ARHGAP35: variants seen among roughly 807,000 people sequenced by gnomAD.
The protein encoded by ARHGAP35 is Rho GTPase activating protein 35, also known as rho GTPase-activating protein 35.
ARHGAP35 carries 15 observed loss-of-function variants against 111.1 expected under a neutral mutation model. The ratio of observed to expected loss-of-function variants is 0.13; its 90% CI spans 0.09 to 0.21. ARHGAP35 has a LOEUF of 0.21. ARHGAP35 is among the 10% of genes least tolerant of loss of function. ARHGAP35 has a pLI of 1.00. For missense variants in ARHGAP35, 1,262 were observed against 1,873.0 expected (o/e 0.67, Z 6.02); for synonymous variants, 643 against 710.3 (o/e 0.91, Z 1.51).
intron 1 of ARHGAP35, among the ~76,000 whole-genome samples, chr19:46,873,476 T>C (rs1224331289): frequency 6.6e-6 from 1 of 150,832 alleles, no homozygotes; most frequent in Non-Finnish European, 1.5e-5. Context: ...CTACTAAAAA[T>C]ACAAAAAAAA....
intron 3 of ARHGAP35, among the ~76,000 whole-genome samples, chr19:46,943,393 TATGA>T (rs2056360614): frequency 6.6e-6 from 1 of 152,170 alleles, no homozygotes; most frequent in Admixed American, 6.5e-5. Context: ...AGGGCACACG[TATGA>T]ATTGGGCTTA....
intron 3 of ARHGAP35, among the ~76,000 whole-genome samples, chr19:46,980,254 G>A (rs1489247709): frequency 1.3e-5 from 2 of 152,116 alleles, no homozygotes; most frequent in Non-Finnish European, 2.9e-5. Flanking sequence ...GCGTGATGGT[G>A]GGTTCCTATA....
intron 3 of ARHGAP35, among the ~76,000 whole-genome samples, chr19:46,961,372 G>A (rs1441275724): frequency 6.6e-6 from 1 of 152,114 alleles, no homozygotes; most frequent in Non-Finnish European, 1.5e-5. Context: ...ATAGGCAGAT[G>A]GAAGGATAGG....
chr19:46,950,325 T>C lies in ARHGAP35; in HGVS notation c.3826+12917T>C, dbSNP rs533529461. On this transcript the variant is annotated intron_variant, in intron 3 of 6. Transcript: ENST00000672722. ...CACAATTTCTTTCTTTCTTCCACTCTTCCTGGACATTTGGGTACTTTCCAG... is the reference window on the plus strand; with the variant it reads ...CACAATTTCTTTCTTTCTTCCACTCCTCCTGGACATTTGGGTACTTTCCAG... Among the ~76,000 whole-genome samples, 3 of 152,352 alleles carry C rather than the reference T, an allele frequency of 2.0e-5. No individual in the cohort carries two copies. In the East Asian group the frequency reaches 5.8e-4, roughly 29 times the overall value.
chr19:46,933,551 C>A (rs2056286302), intron 2 of ARHGAP35, among the ~76,000 whole-genome samples: 2 of 152,174 alleles, frequency 1.3e-5, no homozygotes, highest in Non-Finnish European at 2.9e-5. Flanking sequence ...ACAGGTTTCG[C>A]AGTCATACAG....
Position 47,000,952 on chromosome 19 carries a change from C to T in ARHGAP35, c.*264C>T. ...AGGCAATGGCTCCAGTGCCCTCCCT[C>T]TGTTCCCTGGACCACCACCCCACGT... On this transcript the variant is annotated 3_prime_UTR_variant, in exon 7 of 7. Coordinates refer to ENST00000672722, the MANE Select transcript of ARHGAP35 (RefSeq NM_004491.5). The surrounding 1 kb of genome is among the most constrained non-coding windows in gnomAD (Gnocchi z 6.9). 1 of 1,520,248 alleles carries T rather than the reference C, an allele frequency of 6.6e-7. No homozygotes were observed. The highest frequency in any genetic ancestry group is 8.8e-7 in the Non-Finnish European group (1 of 1,136,904). The allele number at this position is 1,520,248 out of a possible 1,614,324, so 94.2% of individuals were successfully genotyped here.
chr19:46,905,563 C>CT (rs1433887930), intron 1 of ARHGAP35, among the ~76,000 whole-genome samples: 1 of 137,754 alleles, frequency 7.3e-6, no homozygotes, highest in African/African-American at 2.6e-5. Flanking sequence ...CCACCCCCCC[C>CT]CCCCAAGACA....
In ARHGAP35 at chr19:46,993,925, T is replaced by TTTG. The variant is rs200375498; in HGVS notation, c.4036+4268_4036+4270dup. 3.7e-3 allele frequency among the ~76,000 whole-genome samples: 563 copies of TTTG among 152,138 alleles called. 2 individuals carry two copies. The highest frequency in any genetic ancestry group is 4.7e-3 in the Admixed American group (72 of 15,300). On this transcript the variant is annotated intron_variant, in intron 5 of 6. Coordinates refer to ENST00000672722, the MANE Select transcript of ARHGAP35 (RefSeq NM_004491.5). The surrounding 1 kb of genome is among the most constrained non-coding windows in gnomAD (Gnocchi z 4.6). ...CCACACACTGGAGCAGGATGGGTTGTTTGTTGTTGTTGTTGTTGTTAGAAA... is the reference window on the plus strand; with the variant it reads ...CCACACACTGGAGCAGGATGGGTTGTTTGTTGTTGTTGTTGTTGTTGTTAGAAA...
At chr19:46,873,076 G>A (rs1051660121) in intron 1 of ARHGAP35, among the ~76,000 whole-genome samples, 1 of 152,122 alleles carries the variant, frequency 6.6e-6, no homozygotes, top group Non-Finnish European at 1.5e-5. Context: ...ATGGCTAGTA[G>A]GTCCCCAAAG....
intron 1 of ARHGAP35, among the ~76,000 whole-genome samples, chr19:46,905,349 C>G (rs1185132525): frequency 1.3e-5 from 2 of 151,500 alleles, no homozygotes; most frequent in African/African-American, 4.8e-5. Context: ...GAAACCTCAT[C>G]TCCACTAAAA....
intron 3 of ARHGAP35, among the ~76,000 whole-genome samples, chr19:46,940,296 T>G (rs2056338812): frequency 6.7e-6 from 1 of 150,172 alleles, no homozygotes. Context: ...GAGGCGGAGG[T>G]TGCGGTGAGC....
At chr19:46,974,867 G>A (rs894989527) in intron 3 of ARHGAP35, among the ~76,000 whole-genome samples, 1 of 152,082 alleles carries the variant, frequency 6.6e-6, no homozygotes, top group Admixed American at 6.6e-5. Flanking sequence ...CTCAGGTTTG[G>A]TTGGAAGGGG....
rs74910928 is a variant in ARHGAP35, at chr19:46,934,971, C to G, written c.3682-2293C>G. Reference sequence around the variant, plus strand: ...TACAGGCATTAGCCACCATGCCCAGCCTTAAATTCTTTATGTTATACTTCA... The same window carrying G: ...TACAGGCATTAGCCACCATGCCCAGGCTTAAATTCTTTATGTTATACTTCA... On this transcript the variant is annotated intron_variant, in intron 2 of 6. Transcript: ENST00000672722. Among the ~76,000 whole-genome samples the G allele has an allele frequency of 4.1e-4, 62 of 152,322 alleles. No individual in the cohort carries two copies. In the East Asian group the frequency reaches 0.012, roughly 29 times the overall value.
chr19:46,922,049 C>G lies in ARHGAP35; in HGVS notation c.3374C>G (p.Ala1125Gly). 1 of 1,614,024 alleles carries G rather than the reference C, an allele frequency of 6.2e-7. No individual in the cohort carries two copies. Among genetic ancestry groups the G allele is most frequent in the Non-Finnish European group, 8.5e-7 (1 of 1,179,892 alleles). The change falls in exon 2 of 7, where the codon GCC (alanine) becomes GGC (glycine). Residue 1125 changes from alanine to glycine, a missense_variant. Physicochemically the swap from Ala to Gly is moderately conservative, Grantham distance 60. Coordinates refer to ENST00000672722, the MANE Select transcript of ARHGAP35 (RefSeq NM_004491.5). This position sits in a 1 kb window ranked among gnomAD's most constrained non-coding sequence, Gnocchi z 4.0. ...KIITIRNINK[A>G]QSNGSGNGSD... is the part of the protein sequence containing the mutation. ...ATCACCATTCGGAATATCAACAAAG[C>G]CCAGTCCAACGGCAGCGGGAATGGT...
intron 5 of ARHGAP35, among the ~76,000 whole-genome samples, chr19:46,996,452 C>T (rs71353942): frequency 0.012 from 1,831 of 152,148 alleles, 13 homozygotes; most frequent in Middle Eastern, 0.027. Flanking sequence ...TGCCCCTCCC[C>T]ACCCCCTGAA....
At chr19:46,938,434 A>C (rs1202975036) in intron 3 of ARHGAP35, among the ~76,000 whole-genome samples, 1 of 151,870 alleles carries the variant, frequency 6.6e-6, no homozygotes, top group Non-Finnish European at 1.5e-5. Context: ...ACTCACTGCA[A>C]CCTCCGCCTC....
At chr19:46,975,350 C>A (rs2056574095) in intron 3 of ARHGAP35, among the ~76,000 whole-genome samples, 1 of 152,168 alleles carries the variant, frequency 6.6e-6, no homozygotes, top group African/African-American at 2.4e-5. Context: ...GCTTCCTGCA[C>A]CCTTCTGAGG....
chr19:46,920,902 G>A lies in ARHGAP35; in HGVS notation c.2227G>A (p.Gly743Arg), dbSNP rs1290155642. 6.2e-6 allele frequency: 10 copies of A among 1,613,834 alleles called. No homozygotes were observed. Among genetic ancestry groups the A allele is most frequent in the Non-Finnish European group, 7.6e-6 (9 of 1,179,820 alleles). Residue 743 changes from glycine to arginine, a missense_variant, in exon 2 of 7, where the codon GGA (glycine) becomes AGA (arginine). Gly to Arg is a moderately radical substitution (Grantham distance 125, BLOSUM62 -2). This residue lies in a region of ARHGAP35 where 579 missense variants were observed against 716.9 expected (regional missense o/e 0.81). Transcript: ENST00000672722. The surrounding 1 kb of genome is among the most constrained non-coding windows in gnomAD (Gnocchi z 7.0). ...LDPASAGIGY[G>R]RNINEKQISQ... ...CCCTGCTTCTGCTGGCATTGGTTAC[G>A]GACGCAACATTAATGAAAAGCAAAT...
intron 3 of ARHGAP35, among the ~76,000 whole-genome samples, chr19:46,941,734 A>G (rs1214643920): frequency 6.6e-6 from 1 of 150,998 alleles, no homozygotes; most frequent in African/African-American, 2.4e-5. Flanking sequence ...TAATTTTTGT[A>G]TTTTTTGTGG....
Sources: gnomAD v4.1 joint callset for allele counts (sites outside exome capture counted in the v4.1 genomes callset) on GRCh38, gnomAD v4.1.1 for gene constraint, gnomAD v4.1.1 regional missense constraint, Gnocchi (gnomAD v3.1) non-coding constraint, MANE v1.5 for transcripts, NCBI Gene and HGNC (gene_info 2026-07-23, HGNC 2026-07-21) for gene names.